The following KLHL14 variants were observed in gnomAD, a reference collection of about 807,000 sequenced individuals.
The protein encoded by KLHL14 is kelch-like protein 14.
A neutral mutation model predicts 64.3 loss-of-function variants in KLHL14; 22 were observed. The observed-to-expected ratio is 0.34, with a 90% CI of 0.24 to 0.49. The LOEUF (loss-of-function observed/expected upper bound fraction) is 0.49, where lower values mean the gene tolerates loss of function less well. Ranked by LOEUF, KLHL14 falls within the 20% of genes least tolerant of loss-of-function variation. The probability of loss-of-function intolerance (pLI) is 0.99; values close to 1 mark genes in which losing one functional copy is unlikely to be tolerated. For missense variants in KLHL14, 661 were observed against 789.0 expected, an observed-to-expected ratio of 0.84 and a Z score of 1.94; for synonymous variants, 322 against 333.4, an observed-to-expected ratio of 0.97 and a Z score of 0.37.
At chr18:32,702,906 T>TA (rs1017774581) in intron 3 of KLHL14, among the ~76,000 whole-genome samples, 2 of 151,908 alleles carry the variant, frequency 1.3e-5, no homozygotes, top group African/African-American at 4.8e-5. Context: ...TGTATAAATC[T>TA]AAAAAAAAGT....
chr18:32,695,499 A>G lies in KLHL14; in HGVS notation c.1123T>C (p.Phe375Leu). The G allele has an allele frequency of 6.2e-7, 1 of 1,613,246 alleles. No homozygotes were observed. The highest frequency in any genetic ancestry group is 2.2e-5 in the East Asian group (1 of 44,812). The part of the protein sequence containing the change: ...HCVVEVENFL[F>L]VLGGEDQWNP... ...CACTGGTCCTCTCCACCCAACACGA[A>G]CAAGAAGTTTTCCACCTCCACAACG... The change falls in exon 4 of 9, where the codon TTC becomes CTC. Residue 375 changes from phenylalanine to leucine, a missense_variant. Around this residue, in one of 2 missense-constraint regions of KLHL14, gnomAD observed 330 missense variants for 450.0 expected, o/e 0.73. Coordinates refer to ENST00000359358, the MANE Select transcript of KLHL14 (RefSeq NM_020805.3).
intron 3 of KLHL14, among the ~76,000 whole-genome samples, chr18:32,696,239 GCCTCT>G (rs1429873444): frequency 1.3e-5 from 2 of 152,010 alleles, no homozygotes; most frequent in Non-Finnish European, 2.9e-5. Context: ...TATTCTCCTT[GCCTCT>G]CCCTTCTCTC....
rs181279901 is a variant in KLHL14 at position 32,705,912 on chromosome 18, C to T, written c.1070-10360G>A. Among the ~76,000 whole-genome samples, 10 of 152,278 alleles carry T rather than the reference C, an allele frequency of 6.6e-5. No homozygotes were observed. The East Asian group carries it at 1.2e-3, about 18-fold the overall frequency. On this transcript the variant is annotated intron_variant, in intron 3 of 8. Transcript: ENST00000359358. ...TGGACCACTCTCTTCTTAGACAATCCGGTGATCGTAGCCTCTGCTCTAATT... is the reference window on the plus strand; with the variant it reads ...TGGACCACTCTCTTCTTAGACAATCTGGTGATCGTAGCCTCTGCTCTAATT...
At chr18:32,691,511 C>T (rs184507089) in intron 4 of KLHL14, among the ~76,000 whole-genome samples, 1 of 152,244 alleles carries the variant, frequency 6.6e-6, no homozygotes, top group East Asian at 1.9e-4. Flanking sequence ...ACCTTCCAGC[C>T]TGGATAACAG....
chr18:32,734,436 A>G (rs534165835), intron 3 of KLHL14, among the ~76,000 whole-genome samples: 3 of 152,170 alleles, frequency 2.0e-5, no homozygotes, highest in African/African-American at 7.2e-5. Flanking sequence ...GCAAGAAATC[A>G]TTTTCTCTTG....
At chr18:32,726,517 G>A (rs184996009) in intron 3 of KLHL14, among the ~76,000 whole-genome samples, 2 of 152,102 alleles carry the variant, frequency 1.3e-5, no homozygotes, top group Admixed American at 1.3e-4. Flanking sequence ...CCAGCTACTT[G>A]GGAGGCTGAG....
rs181165892 is a variant in KLHL14, at chr18:32,700,388, A to G, written c.1070-4836T>C. Reference sequence around the variant, plus strand: ...GGTAAAAATACAATCTTAAAAAAAAAGGACATACAGAACAAATAAGTCTTC... The same window carrying G: ...GGTAAAAATACAATCTTAAAAAAAAGGGACATACAGAACAAATAAGTCTTC... On this transcript the variant is annotated intron_variant, in intron 3 of 8. Coordinates refer to ENST00000359358, the MANE Select transcript of KLHL14 (RefSeq NM_020805.3). Among the ~76,000 whole-genome samples the G allele has an allele frequency of 4.1e-4, 63 of 152,280 alleles. 1 individual carries two copies. The East Asian group carries it at 9.9e-3, about 24-fold the overall frequency.
chr18:32,679,484 G>C (rs931998524), intron 7 of KLHL14, among the ~76,000 whole-genome samples: 1 of 151,926 alleles, frequency 6.6e-6, no homozygotes, highest in Non-Finnish European at 1.5e-5. Context: ...TAATGTTCTC[G>C]ATATCATAGG....
chr18:32,753,491 A>C (rs1318486774), intron 2 of KLHL14, among the ~76,000 whole-genome samples: 2 of 151,296 alleles, frequency 1.3e-5, no homozygotes, highest in Admixed American at 1.3e-4. Context: ...TCTAGCATGC[A>C]GTTACGGTAG....
intron 4 of KLHL14, among the ~76,000 whole-genome samples, chr18:32,694,018 AGG>A (rs1377776994): frequency 6.6e-6 from 1 of 152,150 alleles, no homozygotes; most frequent in African/African-American, 2.4e-5. Flanking sequence ...CCTCTGGAAC[AGG>A]TTTTCTGTGT....
intron 3 of KLHL14, among the ~76,000 whole-genome samples, chr18:32,726,700 ATTAT>A (rs1160454888): frequency 6.6e-6 from 1 of 152,158 alleles, no homozygotes; most frequent in South Asian, 2.1e-4. Context: ...TGGCATAGCA[ATTAT>A]TTATTCTGGG....
chr18:32,736,672 T>A (rs2050167903), intron 3 of KLHL14, among the ~76,000 whole-genome samples: 1 of 152,094 alleles, frequency 6.6e-6, no homozygotes, highest in Admixed American at 6.6e-5. Context: ...AACTTCAGAT[T>A]TTCCTATAGA....
At position 32,673,401 on chromosome 18, in the gene KLHL14, C is replaced by T. The variant is rs2049795238; in HGVS notation, c.*1256G>A. ...CTGGAGGGCTTGAAAATCGAATGTG[C>T]ATTCCTGTCAGTTTTGTCCTTTTGG... On this transcript the variant is annotated 3_prime_UTR_variant, in exon 9 of 9. Transcript: ENST00000359358. 1 of 152,170 alleles carries T rather than the reference C, an allele frequency of 6.6e-6. No individual in the cohort carries two copies. The highest frequency in any genetic ancestry group is 2.4e-5 in the African/African-American group (1 of 41,436). 9.4% of individuals were successfully genotyped at this position (152,170 alleles called of 1,614,324 possible).
chr18:32,746,466 G>A (rs2144534954), intron 2 of KLHL14, among the ~76,000 whole-genome samples: 1 of 152,188 alleles, frequency 6.6e-6, no homozygotes, highest in East Asian at 1.9e-4. Context: ...AAACCTCCTG[G>A]TGTAAACAAA....
chr18:32,733,389 GGAGAGAGAGA>G (rs34935950), intron 3 of KLHL14, among the ~76,000 whole-genome samples: 83 of 147,518 alleles, frequency 5.6e-4, no homozygotes, highest in African/African-American at 2.0e-3. Flanking sequence ...GAGAGAGAAA[GGAGAGAGAGA>G]GAGAGAGAGA....
chr18:32,741,917 A>T lies in KLHL14; in HGVS notation c.1069+11T>A. ...TAGGTGAGTGAATAAATAAATAAATAATGCACTCACTTGTGAGTATTTTCC... is the reference window on the plus strand; with the variant it reads ...TAGGTGAGTGAATAAATAAATAAATTATGCACTCACTTGTGAGTATTTTCC... On this transcript the variant is annotated intron_variant, in intron 3 of 8. Coordinates refer to ENST00000359358, the MANE Select transcript of KLHL14 (RefSeq NM_020805.3). The T allele has an allele frequency of 1.3e-6, 2 of 1,570,236 alleles. No individual in the cohort carries two copies. Among genetic ancestry groups the T allele is most frequent in the Non-Finnish European group, 1.7e-6 (2 of 1,163,324 alleles).
chr18:32,727,183 AT>A, intron 3 of KLHL14, among the ~76,000 whole-genome samples: 1 of 152,322 alleles, frequency 6.6e-6, no homozygotes, highest in South Asian at 2.1e-4. Context: ...AAAGGTATGT[AT>A]TTTATACTTC....
At chr18:32,746,927 A>G (rs2050226679) in intron 2 of KLHL14, among the ~76,000 whole-genome samples, 1 of 152,206 alleles carries the variant, frequency 6.6e-6, no homozygotes, top group African/African-American at 2.4e-5. Context: ...GATGAGTCTT[A>G]AAAAATCAAT....
intron 3 of KLHL14, among the ~76,000 whole-genome samples, chr18:32,730,465 A>AT (rs949703486): frequency 9.2e-5 from 14 of 152,286 alleles, no homozygotes; most frequent in East Asian, 3.9e-4. Context: ...GTTTCCTGTG[A>AT]TTTTTTCCCC....
Sources: allele counts gnomAD v4.1 joint callset (sites outside exome capture counted in the v4.1 genomes callset), GRCh38; gene constraint gnomAD v4.1.1; regional missense constraint gnomAD v4.1.1; transcripts MANE v1.5; gene names NCBI Gene and HGNC (gene_info 2026-07-23, HGNC 2026-07-21).